The following DPYS variants were observed in gnomAD, a reference collection of about 807,000 sequenced individuals.
The protein encoded by DPYS is dihydropyrimidinase, also known as dihydropyrimidine amidohydrolase.
A neutral mutation model predicts 50.3 loss-of-function variants in DPYS; 39 were observed. The ratio of observed to expected loss-of-function variants is 0.78; its 90% CI spans 0.60 to 1.01. The LOEUF is 1.01. Among genes scored for constraint, DPYS ranks in the 50% least tolerant of loss-of-function variants. The pLI, the probability that DPYS is intolerant of heterozygous loss-of-function variation, is 0.00. For missense variants in DPYS, 659 were observed against 680.9 expected (o/e 0.97, Z 0.36); for synonymous variants, 245 against 250.7 (o/e 0.98, Z 0.22).
chr8:104,415,267 T>C (rs998421990), intron 7 of DPYS, among the ~76,000 whole-genome samples: 4 of 152,238 alleles, frequency 2.6e-5, no homozygotes, highest in African/African-American at 9.6e-5. Context: ...GGAAAGCCTA[T>C]GCCTTTCACA....
In DPYS at chr8:104,431,743, C is replaced by T. The variant is rs143712156; in HGVS notation, c.794-2042G>A. 1.5e-3 allele frequency among the ~76,000 whole-genome samples: 230 copies of T among 152,174 alleles called. 1 individual carries two copies. The highest frequency in any genetic ancestry group is 4.5e-3 in the East Asian group (23 of 5,168). On this transcript the variant is annotated intron_variant, in intron 4 of 9. Coordinates refer to ENST00000351513, the MANE Select transcript of DPYS (RefSeq NM_001385.3). ...TACAATCTCATTTGACCTTCATAGC[C>T]GCCTTCATGCTGGTTTGACAGATGA...
At chr8:104,420,043 T>A (rs10808391) in intron 7 of DPYS, 105,280 of 152,022 alleles carry the variant, frequency 0.69, 37,130 homozygotes, top group African/African-American at 0.8. Flanking sequence ...CATTTATTTT[T>A]AAAAATGGAA....
At chr8:104,419,056 A>G in intron 7 of DPYS, 1 of 985,474 alleles carries the variant, frequency 1.0e-6, no homozygotes, top group Non-Finnish European at 1.2e-6. Flanking sequence ...CTCCAACCTA[A>G]AAAATGAAGG....
At position 104,457,941 on chromosome 8, in the gene DPYS, T is replaced by C. The variant is rs539113423; in HGVS notation, c.265-6537A>G. Reference sequence around the variant, plus strand: ...CAACAAGACCCTGGAGGCTGTCTTCTATGAACTCCAGGAGCCTCTCTACTC... The same window carrying C: ...CAACAAGACCCTGGAGGCTGTCTTCCATGAACTCCAGGAGCCTCTCTACTC... On this transcript the variant is annotated intron_variant, in intron 1 of 9. Transcript: ENST00000351513. 1.2e-4 allele frequency among the ~76,000 whole-genome samples: 18 copies of C among 152,298 alleles called. No homozygotes were observed. In the South Asian group the frequency reaches 3.7e-3, roughly 32 times the overall value.
Position 104,414,509 on chromosome 8 carries a change from A to C in DPYS, c.1235+9738T>G, listed in dbSNP as rs1309397252. 2.6e-5 allele frequency among the ~76,000 whole-genome samples: 4 copies of C among 152,250 alleles called. No individual in the cohort carries two copies. The South Asian group carries it at 8.3e-4, about 32-fold the overall frequency. On this transcript the variant is annotated intron_variant, in intron 7 of 9. Transcript: ENST00000351513. ...TGAGAACCTCTGCTCTTAAAAAAAA[A>C]ATAGTAAATCAACTTAAGTTTTTTG... is the stretch of plus-strand genomic sequence containing the variant.
intron 7 of DPYS, among the ~76,000 whole-genome samples, chr8:104,413,281 T>C (rs1475491761): frequency 6.6e-6 from 1 of 151,758 alleles, no homozygotes; most frequent in Non-Finnish European, 1.5e-5. Flanking sequence ...ACAATACATA[T>C]AGTACAATTC....
At chr8:104,453,611 C>G (rs1055170865) in intron 1 of DPYS, among the ~76,000 whole-genome samples, 7 of 152,158 alleles carry the variant, frequency 4.6e-5, no homozygotes, top group African/African-American at 1.7e-4. Context: ...CAAAATGGTA[C>G]AGCCACTTTG....
chr8:104,466,640 C>G lies in DPYS; in HGVS notation c.264+17G>C. ...CTCCGTGGGTACCGCGGGGCGGGGGCGCGGCGGGGCGGGTACCTTGGTGCC... is the reference window on the plus strand; with the variant it reads ...CTCCGTGGGTACCGCGGGGCGGGGGGGCGGCGGGGCGGGTACCTTGGTGCC... On this transcript the variant is annotated intron_variant, in intron 1 of 9. Coordinates refer to ENST00000351513, the MANE Select transcript of DPYS (RefSeq NM_001385.3). 1 of 1,502,762 alleles carries G rather than the reference C, an allele frequency of 6.7e-7. No individual in the cohort carries two copies. Among genetic ancestry groups the G allele is most frequent in the East Asian group, 2.7e-5 (1 of 37,624 alleles). 93.1% of individuals were successfully genotyped at this position (1,502,762 alleles called of 1,614,324 possible).
chr8:104,381,966 C>T (rs1017625579), intron 8 of DPYS, among the ~76,000 whole-genome samples: 2 of 151,978 alleles, frequency 1.3e-5, no homozygotes, highest in African/African-American at 2.4e-5. Context: ...ACAGTGTGAC[C>T]TTTGAAGTGA....
intron 1 of DPYS, among the ~76,000 whole-genome samples, chr8:104,464,476 GGGAGA>G (rs1388128581): frequency 6.6e-6 from 1 of 152,226 alleles, no homozygotes; most frequent in Non-Finnish European, 1.5e-5. Flanking sequence ...AGCTGTAAGA[GGGAGA>G]ATGATGCTAG....
At chr8:104,403,007 C>T (rs1219388379) in intron 7 of DPYS, among the ~76,000 whole-genome samples, 1 of 152,206 alleles carries the variant, frequency 6.6e-6, no homozygotes, top group Non-Finnish European at 1.5e-5. Context: ...CCCAAGCATT[C>T]AAGCCGGCAA....
Position 104,429,525 on chromosome 8 carries a change from G to C in DPYS, c.950+20C>G, listed in dbSNP as rs148608246. 420 of 1,613,894 alleles carry C rather than the reference G, an allele frequency of 2.6e-4. 3 individuals are homozygous for C. The Middle Eastern group carries it at 0.011, about 41-fold the overall frequency. On this transcript the variant is annotated intron_variant, in intron 5 of 9. Transcript: ENST00000351513. The stretch of plus-strand genomic sequence containing the variant: ...CCTTCTTTTGGCAATACACTTCCCA[G>C]TCATCTGCAAAATGATTACTTAGCC...
chr8:104,422,962 A>G (rs929662153), intron 7 of DPYS, among the ~76,000 whole-genome samples: 1 of 152,188 alleles, frequency 6.6e-6, no homozygotes, highest in Non-Finnish European at 1.5e-5. Flanking sequence ...TGCCTTTCCA[A>G]GCACAATTTT....
chr8:104,403,215 C>T (rs1811880440), intron 7 of DPYS, among the ~76,000 whole-genome samples: 1 of 152,170 alleles, frequency 6.6e-6, no homozygotes, highest in African/African-American at 2.4e-5. Context: ...AGCAAGGCTC[C>T]CATTGCTGCT....
At chr8:104,388,299 TG>T (rs1811276012) in intron 8 of DPYS, among the ~76,000 whole-genome samples, 1 of 152,160 alleles carries the variant, frequency 6.6e-6, no homozygotes, top group African/African-American at 2.4e-5. Flanking sequence ...CATCACTCCA[TG>T]AAGCTATTCC....
intron 8 of DPYS, among the ~76,000 whole-genome samples, chr8:104,389,999 C>T (rs1380922052): frequency 6.6e-6 from 1 of 152,198 alleles, no homozygotes. Context: ...TTGATGATCT[C>T]TGCTGCCTCA....
chr8:104,425,456 G>A (rs969462128), intron 6 of DPYS, among the ~76,000 whole-genome samples: 2 of 151,184 alleles, frequency 1.3e-5, no homozygotes, highest in Non-Finnish European at 3.0e-5. Context: ...TACATGGTGG[G>A]GTATGCCCCA....
In DPYS at chr8:104,444,318, G is replaced by T. The variant is rs752327365; in HGVS notation, c.723C>A (p.Asn241Lys). Reference sequence around the variant, plus strand: ...TCACATGCACAATGTAGAGAGGACAGTTCACAGCGCTGGCTATGGTGATGG... The same window carrying T: ...TCACATGCACAATGTAGAGAGGACATTTCACAGCGCTGGCTATGGTGATGG... ...LRAITIASAVNCPLYIVHVMS... is the reference protein window; with the variant it reads ...LRAITIASAVKCPLYIVHVMS... The change falls in exon 4 of 10, where the codon AAC (asparagine) becomes AAA (lysine). Residue 241 changes from asparagine to lysine, a missense_variant. Transcript: ENST00000351513. 6.2e-7 allele frequency: 1 copy of T among 1,614,242 alleles called. No homozygotes were observed. Among genetic ancestry groups the T allele is most frequent in the Non-Finnish European group, 8.5e-7 (1 of 1,180,048 alleles).
chr8:104,423,922 C>A (rs1812634806), intron 7 of DPYS: 1 of 911,700 alleles, frequency 1.1e-6, no homozygotes, highest in African/African-American at 1.8e-5. Context: ...TCAAACTAAG[C>A]CTTTTATTTC....
Sources: gnomAD v4.1 joint callset for allele counts (sites outside exome capture counted in the v4.1 genomes callset) on GRCh38, gnomAD v4.1.1 for gene constraint, MANE v1.5 for transcripts, NCBI Gene and HGNC (gene_info 2026-07-23, HGNC 2026-07-21) for gene names.